KCNG2: variants seen among roughly 807,000 people sequenced by gnomAD.
KCNG2 encodes the protein voltage-gated potassium channel regulatory subunit KCNG2.
KCNG2 carries 7 observed loss-of-function variants against 12.3 expected under a neutral mutation model. The observed-to-expected ratio is 0.57, with a 90% CI of 0.32 to 1.07. KCNG2 has a LOEUF of 1.07. Ranked by LOEUF, KCNG2 falls within the 50% of genes least tolerant of loss-of-function variation. The pLI, the probability that KCNG2 is intolerant of heterozygous loss-of-function variation, is 0.04. For synonymous variants in KCNG2, 414 were observed against 351.4 expected (o/e 1.18, Z -1.99); for missense variants, 703 against 726.0 (o/e 0.97, Z 0.36).
chr18:79,825,922 G>C (rs1978285289), intron 1 of KCNG2, among the ~76,000 whole-genome samples: 1 of 152,352 alleles, frequency 6.6e-6, no homozygotes, highest in South Asian at 2.1e-4. Context: ...GACGGCAGGT[G>C]GGAGCGCGGA....
chr18:79,800,396 G>C lies in KCNG2; in HGVS notation c.-115+2382G>C, dbSNP rs116408737. On this transcript the variant is annotated intron_variant, in intron 1 of 3. Transcript: ENST00000316249. This position sits in a 1 kb window ranked among gnomAD's most constrained non-coding sequence, Gnocchi z 4.0. ...GCCATGGGGCCCTTGCTGCCAGTGA[G>C]GTCGCTCAGACACAAACGGGTGCTG... is the stretch of plus-strand genomic sequence containing the variant. 9.8e-3 allele frequency among the ~76,000 whole-genome samples: 1,489 copies of C among 152,296 alleles called. 34 individuals are homozygous for C. The highest frequency in any genetic ancestry group is 0.035 in the African/African-American group (1,442 of 41,558).
chr18:79,814,836 G>T (rs1326122365), intron 1 of KCNG2, among the ~76,000 whole-genome samples: 1 of 151,904 alleles, frequency 6.6e-6, no homozygotes, highest in Non-Finnish European at 1.5e-5. Context: ...CACCTTAAAA[G>T]TAGTTACCTG....
chr18:79,897,621 C>A (rs1212980231), intron 3 of KCNG2, among the ~76,000 whole-genome samples: 2 of 152,030 alleles, frequency 1.3e-5, no homozygotes, highest in African/African-American at 4.8e-5. Flanking sequence ...TTTTCTTTTT[C>A]TTCCTTCCCT....
intron 1 of KCNG2, among the ~76,000 whole-genome samples, chr18:79,817,319 C>T (rs1225370095): frequency 6.6e-6 from 1 of 152,196 alleles, no homozygotes; most frequent in Non-Finnish European, 1.5e-5. Flanking sequence ...TGCCACATGG[C>T]CGCCACTCAC....
At chr18:79,809,568 GA>G (rs2087477749) in intron 1 of KCNG2, among the ~76,000 whole-genome samples, 4 of 118,342 alleles carry the variant, frequency 3.4e-5, no homozygotes, top group Admixed American at 8.3e-5. Context: ...TCCGCGCTCT[GA>G]GGAGCTGCCG....
At chr18:79,836,442 A>C (rs1978325757) in intron 1 of KCNG2, among the ~76,000 whole-genome samples, 1 of 152,374 alleles carries the variant, frequency 6.6e-6, no homozygotes, top group East Asian at 1.9e-4. Flanking sequence ...CATCCAACAG[A>C]TCTATTTGAT....
chr18:79,816,300 G>C (rs1044816183), intron 1 of KCNG2: 1 of 152,300 alleles, frequency 6.6e-6, no homozygotes, highest in Non-Finnish European at 1.5e-5. Context: ...TGCAGCAGCT[G>C]TAGTGGTGTG....
chr18:79,899,066 C>G lies in KCNG2; in HGVS notation c.651C>G (p.Ser217Arg). The change falls in exon 4 of 4, where the codon AGC becomes AGG. Residue 217 changes from serine (S) to arginine (R), a missense_variant. Ser to Arg is a moderately radical substitution (Grantham distance 110). Coordinates refer to ENST00000316249, the MANE Select transcript of KCNG2 (RefSeq NM_012283.2). ...GCGAGTGCTCCCCCAAGTGCCGCAGCCTGTTCGTGCTGGAGACCGTGTGCG... is the reference window on the plus strand; with the variant it reads ...GCGAGTGCTCCCCCAAGTGCCGCAGGCTGTTCGTGCTGGAGACCGTGTGCG... ...ERGECSPKCR[S>R]LFVLETVCVA... is the part of the protein sequence containing the mutation. The G allele has an allele frequency of 1.3e-6, 2 of 1,585,198 alleles. No homozygotes were observed. Among genetic ancestry groups the G allele is most frequent in the Non-Finnish European group, 1.7e-6 (2 of 1,169,234 alleles).
At chr18:79,878,777 T>C (rs1980179384) in intron 3 of KCNG2, among the ~76,000 whole-genome samples, 1 of 152,184 alleles carries the variant, frequency 6.6e-6, no homozygotes, top group Non-Finnish European at 1.5e-5. Context: ...ACATGGACGG[T>C]GCAGGCAGGA....
chr18:79,837,121 C>T (rs150025389), intron 1 of KCNG2, among the ~76,000 whole-genome samples: 154 of 152,312 alleles, frequency 1.0e-3, no homozygotes, highest in Non-Finnish European at 1.7e-3. Flanking sequence ...GTAAATGCTC[C>T]CATTCCAAAT....
At chr18:79,861,273 C>CTTT (rs56348625) in intron 2 of KCNG2, among the ~76,000 whole-genome samples, 6 of 76,988 alleles carry the variant, frequency 7.8e-5, no homozygotes, top group African/African-American at 1.8e-4. Flanking sequence ...CTCTCTCTCT[C>CTTT]TTTTTTTTTT....
intron 1 of KCNG2, among the ~76,000 whole-genome samples, chr18:79,854,021 G>A (rs552127600): frequency 5.3e-5 from 8 of 152,250 alleles, no homozygotes; most frequent in African/African-American, 1.4e-4. Flanking sequence ...TGAGCAGGCC[G>A]ATGTCCAGGG....
chr18:79,887,464 C>A (rs1338144566), intron 3 of KCNG2, among the ~76,000 whole-genome samples: 3 of 152,110 alleles, frequency 2.0e-5, no homozygotes, highest in Non-Finnish European at 4.4e-5. Flanking sequence ...GTCTTGAGCT[C>A]CGGCCTGAAT....
chr18:79,803,865 C>T lies in KCNG2; in HGVS notation c.-115+5851C>T, dbSNP rs1335728496. Among the ~76,000 whole-genome samples the T allele has an allele frequency of 6.6e-6, 1 of 152,200 alleles. No homozygotes were observed. Among genetic ancestry groups the T allele is most frequent in the African/African-American group, 2.4e-5 (1 of 41,448 alleles). On this transcript the variant is annotated intron_variant, in intron 1 of 3. Coordinates refer to ENST00000316249, the MANE Select transcript of KCNG2 (RefSeq NM_012283.2). This position sits in a 1 kb window ranked among gnomAD's most constrained non-coding sequence, Gnocchi z 4.5. ...TGATGGCCCCGGGGCCATGCTGAGGCCTCCGTGTTGGTTTCTCCGGGGTTG... is the reference window on the plus strand; with the variant it reads ...TGATGGCCCCGGGGCCATGCTGAGGTCTCCGTGTTGGTTTCTCCGGGGTTG...
rs1186243539 is a variant in KCNG2 at position 79,899,256 on chromosome 18, G to A, written c.841G>A (p.Glu281Lys). 6.3e-7 allele frequency: 1 copy of A among 1,592,306 alleles called. No individual in the cohort carries two copies. The highest frequency in any genetic ancestry group is 1.7e-5 in the Admixed American group (1 of 59,168). ...AAGPGGTKLL[E>K]RAGLVLRLLR... The stretch of plus-strand genomic sequence containing the variant: ...AGGCCCGGGCGGGACCAAGCTCCTG[G>A]AGCGCGCGGGGCTGGTGCTGCGGCT... The change falls in exon 4 of 4, where the codon GAG (glutamate) becomes AAG (lysine). Residue 281 changes from glutamate to lysine, a missense_variant. Coordinates refer to ENST00000316249, the MANE Select transcript of KCNG2 (RefSeq NM_012283.2).
chr18:79,848,943 G>A (rs893820155), intron 1 of KCNG2, among the ~76,000 whole-genome samples: 1 of 152,160 alleles, frequency 6.6e-6, no homozygotes, highest in Admixed American at 6.5e-5. Flanking sequence ...GTTAATGACC[G>A]CCTGGCGCCT....
At chr18:79,828,033 T>TG (rs368414914) in intron 1 of KCNG2, among the ~76,000 whole-genome samples, 36 of 151,940 alleles carry the variant, frequency 2.4e-4, no homozygotes, top group African/African-American at 8.4e-4. Flanking sequence ...AAGTGATTCT[T>TG]GTGCCTCAGC....
chr18:79,850,065 C>T (rs1978765455), intron 1 of KCNG2, among the ~76,000 whole-genome samples: 1 of 152,256 alleles, frequency 6.6e-6, no homozygotes, highest in Non-Finnish European at 1.5e-5. Context: ...GACCTTCTGC[C>T]TCCCCGCTAC....
rs1382620976 is a variant in KCNG2 at position 79,899,504 on chromosome 18, C to A, written c.1089C>A (p.Ala363=). ...GCGTGCCCGCCAGCTATTGGTGGGC[C>A]GTCATCTCCATGACCACCGTGGGCT... ...FSSVPASYWW[A]VISMTTVGYG... is the part of the protein sequence containing the mutation. Residue 363 remains alanine, a synonymous_variant, in exon 4 of 4, where the codon GCC becomes GCA. Coordinates refer to ENST00000316249, the MANE Select transcript of KCNG2 (RefSeq NM_012283.2). 6.2e-7 allele frequency: 1 copy of A among 1,607,670 alleles called. No homozygotes were observed. The highest frequency in any genetic ancestry group is 8.5e-7 in the Non-Finnish European group (1 of 1,177,932).
Sources: allele counts gnomAD v4.1 joint callset (sites outside exome capture counted in the v4.1 genomes callset), GRCh38; gene constraint gnomAD v4.1.1; non-coding constraint Gnocchi (gnomAD v3.1); transcripts MANE v1.5; gene names NCBI Gene and HGNC (gene_info 2026-07-23, HGNC 2026-07-21).